ACKR3: variants seen among roughly 807,000 people sequenced by gnomAD.
ACKR3 encodes the protein C-X-C chemokine receptor type 7.
A neutral mutation model predicts 22.4 loss-of-function variants in ACKR3; 6 were observed. That is an observed-to-expected ratio of 0.27 (90% CI 0.15 to 0.53). The LOEUF is 0.53. ACKR3 is among the 20% of genes least tolerant of loss of function. ACKR3 has a pLI of 0.96. For missense variants in ACKR3, 396 were observed against 475.2 expected (o/e 0.83, Z 1.55); for synonymous variants, 209 against 205.2 (o/e 1.02, Z -0.16).
intron 1 of ACKR3, among the ~76,000 whole-genome samples, chr2:236,570,333 G>C (rs529004025): frequency 6.6e-6 from 1 of 152,202 alleles, no homozygotes; most frequent in Non-Finnish European, 1.5e-5. Context: ...TTTGCTTCTA[G>C]TATATCAGTT....
chr2:236,567,295 G>A (rs1691205719), upstream of ACKR3, among the ~76,000 whole-genome samples: 1 of 152,136 alleles, frequency 6.6e-6, no homozygotes, highest in Non-Finnish European at 1.5e-5. Context: ...CACCGCGCCC[G>A]GCCGGGTCTG....
the ACKR3 span, among the ~76,000 whole-genome samples, chr2:236,537,583 C>A: frequency 6.6e-5 from 10 of 152,194 alleles, no homozygotes; most frequent in African/African-American, 1.9e-4. Context: ...TGGTACAGGG[C>A]CCCTTGGATA....
At chr2:236,537,582 G>A in the ACKR3 span, among the ~76,000 whole-genome samples, 25 of 152,314 alleles carry the variant, frequency 1.6e-4, no homozygotes, top group South Asian at 4.8e-3. Flanking sequence ...GTGGTACAGG[G>A]CCCCTTGGAT....
At chr2:236,562,295 A>G in the ACKR3 span, among the ~76,000 whole-genome samples, 1 of 152,252 alleles carries the variant, frequency 6.6e-6, no homozygotes, top group African/African-American at 2.4e-5. Flanking sequence ...CATTTCAGGT[A>G]TAAATCCCAC....
chr2:236,575,141 G>A (rs1480589161), intron 1 of ACKR3, among the ~76,000 whole-genome samples: 3 of 152,076 alleles, frequency 2.0e-5, no homozygotes, highest in African/African-American at 4.8e-5. Context: ...CATGAACCTC[G>A]ATTGTTCTGT....
At chr2:236,562,002 C>A in the ACKR3 span, among the ~76,000 whole-genome samples, 1 of 152,178 alleles carries the variant, frequency 6.6e-6, no homozygotes, top group African/African-American at 2.4e-5. Context: ...GATTCTAGTA[C>A]ACTGTTGAAG....
the ACKR3 span, among the ~76,000 whole-genome samples, chr2:236,539,301 CTTTTCTTTT>C: frequency 7.7e-6 from 1 of 129,200 alleles, no homozygotes; most frequent in African/African-American, 3.1e-5. Flanking sequence ...TTTCATTTTT[CTTTTCTTTT>C]TTTTTTTTTT....
chr2:236,541,809 A>T, the ACKR3 span, among the ~76,000 whole-genome samples: 16,951 of 152,058 alleles, frequency 0.11, 1,904 homozygotes, highest in African/African-American at 0.29. Context: ...GTCTCATAAG[A>T]TCTGATGGTT....
intron 1 of ACKR3, among the ~76,000 whole-genome samples, chr2:236,580,227 AC>A (rs1691490078): frequency 6.6e-6 from 1 of 152,266 alleles, no homozygotes; most frequent in Admixed American, 6.5e-5. Context: ...TTGGAGCACC[AC>A]ATGGATTTAG....
chr2:236,566,622 A>G (rs1360610923), upstream of ACKR3, among the ~76,000 whole-genome samples: 3 of 152,192 alleles, frequency 2.0e-5, no homozygotes, highest in Admixed American at 6.5e-5. Flanking sequence ...CTTTTTAGTC[A>G]CATTTTCAAA....
At chr2:236,566,905 T>A (rs1339922221), upstream of ACKR3, among the ~76,000 whole-genome samples, 2 of 151,364 alleles carry the variant, frequency 1.3e-5, no homozygotes, top group African/African-American at 4.9e-5. Flanking sequence ...TGTCTCTCCC[T>A]CTTTCTTTCT....
chr2:236,574,668 C>T lies in ACKR3; in HGVS notation c.-27+4744C>T, dbSNP rs1376346336. ...AGCCACCACCCATGAAGGCTCTAAACCTGAGTACCTGTAATTCCGGCTTCA... is the reference window on the plus strand; with the variant it reads ...AGCCACCACCCATGAAGGCTCTAAATCTGAGTACCTGTAATTCCGGCTTCA... On this transcript the variant is annotated intron_variant, in intron 1 of 1. Transcript: ENST00000272928. The surrounding 1 kb of genome is among the most constrained non-coding windows in gnomAD (Gnocchi z 5.6). Among the ~76,000 whole-genome samples the T allele has an allele frequency of 1.3e-5, 2 of 152,174 alleles. No homozygotes were observed. Among genetic ancestry groups the T allele is most frequent in the Non-Finnish European group, 2.9e-5 (2 of 68,032 alleles).
At chr2:236,543,808 C>T in the ACKR3 span, among the ~76,000 whole-genome samples, 2 of 151,648 alleles carry the variant, frequency 1.3e-5, no homozygotes, top group Admixed American at 1.3e-4. Flanking sequence ...GAAGATTCAG[C>T]ATCCAGTGTA....
Position 236,581,041 on chromosome 2 carries a change from T to A in ACKR3, c.576T>A (p.Asn192Lys), listed in dbSNP as rs773124848. 2.5e-6 allele frequency: 4 copies of A among 1,614,170 alleles called. No homozygotes were observed. Among genetic ancestry groups the A allele is most frequent in the Non-Finnish European group, 3.4e-6 (4 of 1,180,034 alleles). Residue 192 changes from asparagine (N) to lysine (K), a missense_variant, in exon 2 of 2, where the codon AAT (asparagine) becomes AAA (lysine). By Grantham distance (94) the Asn-to-Lys change is moderately conservative (BLOSUM62 0). Transcript: ENST00000272928. The surrounding 1 kb of genome is among the most constrained non-coding windows in gnomAD (Gnocchi z 4.4). ...AGACCGTCACGTCTGCGTCCAACAA[T>A]GAGACCTACTGCCGGTCCTTCTACC... ...YLKTVTSASN[N>K]ETYCRSFYPE...
chr2:236,579,652 C>T (rs954394366), intron 1 of ACKR3, among the ~76,000 whole-genome samples: 1 of 152,162 alleles, frequency 6.6e-6, no homozygotes, highest in Non-Finnish European at 1.5e-5. Flanking sequence ...AGTCTTGGCA[C>T]ACCTTGCTGT....
intron 1 of ACKR3, among the ~76,000 whole-genome samples, chr2:236,576,663 C>G (rs928588903): frequency 6.6e-6 from 1 of 152,226 alleles, no homozygotes; most frequent in Non-Finnish European, 1.5e-5. Context: ...GAAAGTGGGC[C>G]CTGCCCACCC....
the ACKR3 span, among the ~76,000 whole-genome samples, chr2:236,550,159 C>T: frequency 2.0e-5 from 3 of 152,188 alleles, no homozygotes; most frequent in Non-Finnish European, 2.9e-5. This position sits in a 1 kb window ranked among gnomAD's most constrained non-coding sequence, Gnocchi z 4.6. Context: ...TAAGGCCATG[C>T]GAGGGGCTGG....
the ACKR3 span, among the ~76,000 whole-genome samples, chr2:236,538,922 G>A: frequency 6.6e-6 from 1 of 152,188 alleles, no homozygotes; most frequent in South Asian, 2.1e-4. Flanking sequence ...CTAGCTCAGG[G>A]CAAAGTAGGC....
intron 1 of ACKR3, among the ~76,000 whole-genome samples, chr2:236,571,724 C>T (rs1410078146): frequency 2.0e-5 from 3 of 150,768 alleles, no homozygotes; most frequent in East Asian, 2.0e-4. Flanking sequence ...GTTTTCAAGT[C>T]GACGTGAGGG....
Sources: allele counts gnomAD v4.1 joint callset (sites outside exome capture counted in the v4.1 genomes callset), GRCh38; gene constraint gnomAD v4.1.1; non-coding constraint Gnocchi (gnomAD v3.1); transcripts MANE v1.5; gene names NCBI Gene and HGNC (gene_info 2026-07-23, HGNC 2026-07-21).